FAAH2: variants seen among roughly 807,000 people sequenced by gnomAD.
FAAH2 encodes fatty acid amide hydrolase 2.
In FAAH2, 60 loss-of-function variants were observed where a neutral mutation model predicts 36.9. The ratio of observed to expected loss-of-function variants is 1.63; its 90% confidence interval spans 1.32 to 2.02. The LOEUF is 2.02. FAAH2 is among the 30% of genes most tolerant of loss of function. The pLI, the probability that FAAH2 is intolerant of heterozygous loss-of-function variation, is 0.00. For synonymous variants in FAAH2, 214 were observed against 143.8 expected, an observed-to-expected ratio of 1.49 and a Z score of -3.49; for missense variants, 689 against 397.5, an observed-to-expected ratio of 1.73 and a Z score of -6.23.
At chrX:57,151,551 T>G in the FAAH2 span, among the ~76,000 whole-genome samples, 1 of 112,165 alleles carries the variant, frequency 8.9e-6, no homozygotes, top group East Asian at 2.8e-4. Context: ...AGTGATCGCA[T>G]CGGCTCCTGA....
intron 5 of FAAH2, among the ~76,000 whole-genome samples, chrX:57,347,602 A>T (rs4281232): frequency 1.1e-5 from 1 of 87,813 alleles, no homozygotes; most frequent in Admixed American, 1.3e-4. Flanking sequence ...AGGGGATGCT[A>T]AGTTTTTTTT....
intron 7 of FAAH2, among the ~76,000 whole-genome samples, chrX:57,418,915 T>C (rs1169552673): frequency 1.1e-5 from 1 of 88,807 alleles, no homozygotes; most frequent in African/African-American, 4.2e-5. Flanking sequence ...CCCCTTCCTG[T>C]GTCCATGTGT....
chrX:57,468,642 G>C (rs1195912240), intron 10 of FAAH2, among the ~76,000 whole-genome samples: 1 of 111,854 alleles, frequency 8.9e-6, no homozygotes, highest in Non-Finnish European at 1.9e-5. Flanking sequence ...TGAAACTGAC[G>C]GGGAGAATGG....
chrX:57,122,486 A>G, the FAAH2 span, among the ~76,000 whole-genome samples: 4 of 112,508 alleles, frequency 3.6e-5, no homozygotes, highest in African/African-American at 9.7e-5. Flanking sequence ...GCAAAAAAAT[A>G]ACTTTATAAG....
At chrX:57,377,017 AT>A (rs771265360) in intron 5 of FAAH2, among the ~76,000 whole-genome samples, 1 of 111,897 alleles carries the variant, frequency 8.9e-6, no homozygotes, top group African/African-American at 3.2e-5. Flanking sequence ...TTTCTTGTAA[AT>A]TTGTTTAAGT....
Position 57,315,792 on chromosome X carries a change from C to T in FAAH2, c.412+5063C>T, listed in dbSNP as rs751679638. Among the ~76,000 whole-genome samples the T allele has an allele frequency of 2.7e-5, 3 of 111,410 alleles. No individual in the cohort carries two copies. In the South Asian group the frequency reaches 1.1e-3, roughly 42 times the overall value. The stretch of plus-strand genomic sequence containing the variant: ...ATAAGAGTCATCTATACCAAACACA[C>T]AGGCAATGTCACACTAAATGGGCAA... On this transcript the variant is annotated intron_variant, in intron 3 of 10. Coordinates refer to ENST00000374900, the MANE Select transcript of FAAH2 (RefSeq NM_174912.4).
At chrX:57,409,231 A>T (rs2055640712) in intron 7 of FAAH2, among the ~76,000 whole-genome samples, 1 of 111,954 alleles carries the variant, frequency 8.9e-6, no homozygotes, top group South Asian at 3.6e-4. Context: ...GTATTAAAAC[A>T]TCTATGCATC....
At chrX:57,371,638 G>GC (rs1202852128) in intron 5 of FAAH2, among the ~76,000 whole-genome samples, 2 of 56,405 alleles carry the variant, frequency 3.5e-5, no homozygotes, top group Non-Finnish European at 5.0e-5. Context: ...TCTATTTTTT[G>GC]GGGGGGGGGT....
intron 7 of FAAH2, among the ~76,000 whole-genome samples, chrX:57,426,287 A>C (rs1175207279): frequency 8.9e-6 from 1 of 112,157 alleles, no homozygotes; most frequent in Admixed American, 9.4e-5. Context: ...GAACTAAGGA[A>C]AGATATAGCA....
chrX:57,458,226 T>A (rs2056896454), intron 10 of FAAH2, among the ~76,000 whole-genome samples: 1 of 112,102 alleles, frequency 8.9e-6, no homozygotes, highest in Non-Finnish European at 1.9e-5. Flanking sequence ...AATGGTACTA[T>A]AATAGTTTGC....
intron 1 of FAAH2, 25 bp from the exon 2 acceptor site, chrX:57,292,473 C>T: frequency 8.6e-7 from 1 of 1,165,156 alleles, no homozygotes; most frequent in Non-Finnish European, 1.2e-6. Context: ...TAAATGGCTG[C>T]TGACTAAAGT....
chrX:57,206,536 T>C, the FAAH2 span, among the ~76,000 whole-genome samples: 1 of 112,154 alleles, frequency 8.9e-6, no homozygotes. Context: ...TTTTTAAGAG[T>C]AGGTTCAATT....
At chrX:57,208,874 C>G in the FAAH2 span, among the ~76,000 whole-genome samples, 1 of 112,193 alleles carries the variant, frequency 8.9e-6, no homozygotes, top group Non-Finnish European at 1.9e-5. Flanking sequence ...TTCAGGAATG[C>G]CTTCAGCAGT....
chrX:57,153,367 AT>A, the FAAH2 span, among the ~76,000 whole-genome samples: 1 of 112,129 alleles, frequency 8.9e-6, no homozygotes, highest in Non-Finnish European at 1.9e-5. Context: ...TTTATATTCA[AT>A]GTTAGTATTG....
chrX:57,223,036 T>C, the FAAH2 span, among the ~76,000 whole-genome samples: 3 of 112,068 alleles, frequency 2.7e-5, no homozygotes, highest in Non-Finnish European at 3.8e-5. Context: ...AATCAACATA[T>C]ATTCAAATTC....
intron 10 of FAAH2, among the ~76,000 whole-genome samples, chrX:57,453,628 C>A (rs1290027331): frequency 9.0e-6 from 1 of 110,607 alleles, no homozygotes; most frequent in African/African-American, 3.3e-5. Flanking sequence ...CAACTGCACC[C>A]AAACCCGCCA....
the FAAH2 span, among the ~76,000 whole-genome samples, chrX:57,164,786 T>C: frequency 8.9e-6 from 1 of 112,459 alleles, no homozygotes; most frequent in Non-Finnish European, 1.9e-5. Context: ...TAATAACAAC[T>C]CTTAGGTTGA....
chrX:57,386,155 A>G (rs998849056), intron 7 of FAAH2, among the ~76,000 whole-genome samples: 3 of 111,583 alleles, frequency 2.7e-5, no homozygotes, highest in African/African-American at 6.5e-5. Context: ...ATAGCTTCAC[A>G]TATCTGAATT....
At chrX:57,190,105 T>A in the FAAH2 span, among the ~76,000 whole-genome samples, 1 of 110,922 alleles carries the variant, frequency 9.0e-6, no homozygotes, top group Non-Finnish European at 1.9e-5. Context: ...CCCTGCCCAG[T>A]GAAGAGGTAT....
Sources: gnomAD v4.1 joint callset for allele counts (sites outside exome capture counted in the v4.1 genomes callset) on GRCh38, gnomAD v4.1.1 for gene constraint, MANE v1.5 for transcripts, NCBI Gene and HGNC (gene_info 2026-07-23, HGNC 2026-07-21) for gene names.